The following ASB11 variants were observed in gnomAD, a reference collection of about 807,000 sequenced individuals.
The protein encoded by ASB11 is ankyrin repeat and SOCS box containing 11, also known as ankyrin repeat and SOCS box protein 11.
In ASB11, 17 loss-of-function variants were observed where a neutral mutation model predicts 20.1. That is an observed-to-expected ratio of 0.85 (90% CI 0.58 to 1.27). The LOEUF (loss-of-function observed/expected upper bound fraction) is 1.27, where lower values mean the gene tolerates loss of function less well. Ranked by LOEUF, ASB11 falls within the 50% of genes most tolerant of loss-of-function variation. The probability of loss-of-function intolerance (pLI) is 0.00; values close to 1 mark genes in which losing one functional copy is unlikely to be tolerated. For synonymous variants in ASB11, 107 were observed against 105.6 expected, an observed-to-expected ratio of 1.01 and a Z score of -0.08; for missense variants, 259 against 256.9, an observed-to-expected ratio of 1.01 and a Z score of -0.06.
intron 2 of ASB11, among the ~76,000 whole-genome samples, chrX:15,298,691 G>T (rs1464957100): frequency 8.9e-6 from 1 of 111,788 alleles, no homozygotes; most frequent in Non-Finnish European, 1.9e-5. Flanking sequence ...GCATGGGCCT[G>T]CTGTGGCTGT....
intron 3 of ASB11, among the ~76,000 whole-genome samples, chrX:15,295,281 T>A (rs746330849): frequency 9.0e-6 from 1 of 110,958 alleles, no homozygotes; most frequent in South Asian, 3.8e-4. Context: ...GATCTCATGA[T>A]CTACCTGCCT....
chrX:15,314,068 A>AG (rs1206074915), intron 1 of ASB11, among the ~76,000 whole-genome samples: 1 of 109,189 alleles, frequency 9.2e-6, no homozygotes, highest in Non-Finnish European at 1.9e-5. Context: ...AAAAAAAAAA[A>AG]AAAAAAAAAA....
At position 15,293,268 on chromosome X, in the gene ASB11, C is replaced by A; in HGVS notation, c.422G>T (p.Ser141Ile). 1 of 1,211,714 alleles carries A rather than the reference C, an allele frequency of 8.3e-7. No individual in the cohort carries two copies. ...CACATTGACACATGCAGCACTGCCG[C>A]TGCAGCAAGCATTGAAGAGGGGTGT... ...GATPLFNACC[S>I]GSAACVNVLL... Residue 141 changes from serine to isoleucine, a missense_variant, in exon 4 of 7, where the codon AGC (serine) becomes ATC (isoleucine). Coordinates refer to ENST00000480796, the MANE Select transcript of ASB11 (RefSeq NM_080873.3).
intron 2 of ASB11, among the ~76,000 whole-genome samples, chrX:15,300,965 T>C (rs899812446): frequency 2.7e-5 from 3 of 111,323 alleles, no homozygotes; most frequent in African/African-American, 9.8e-5. Context: ...ATTTTATTTA[T>C]TTATTTATTT....
At chrX:15,307,816 T>C (rs1330161845) in intron 1 of ASB11, among the ~76,000 whole-genome samples, 1 of 112,454 alleles carries the variant, frequency 8.9e-6, no homozygotes, top group African/African-American at 3.2e-5. Flanking sequence ...GTGTTCACTT[T>C]GTGAAAATTC....
intron 3 of ASB11, among the ~76,000 whole-genome samples, chrX:15,294,016 A>C (rs749965793): frequency 7.2e-4 from 80 of 110,933 alleles, no homozygotes; most frequent in Admixed American, 3.3e-3. Context: ...CTAAAACTTA[A>C]AGTATAATAA....
At chrX:15,293,469 A>C in intron 3 of ASB11, 149 bp from the exon 4 acceptor site, 1 of 675,815 alleles carries the variant, frequency 1.5e-6, no homozygotes, top group Non-Finnish European at 2.2e-6. Flanking sequence ...ATGAAACCTC[A>C]TGAAGTTATT....
intron 1 of ASB11, among the ~76,000 whole-genome samples, chrX:15,314,733 G>A (rs1177540263): frequency 1.8e-5 from 2 of 108,904 alleles, no homozygotes; most frequent in East Asian, 5.7e-4. Flanking sequence ...ACAATCCCAG[G>A]AGTGACAGGG....
intron 1 of ASB11, among the ~76,000 whole-genome samples, chrX:15,305,593 A>AACATT (rs1433948397): frequency 1.2e-5 from 1 of 86,651 alleles, no homozygotes; most frequent in Admixed American, 1.3e-4. Flanking sequence ...AAGAAAAAAA[A>AACATT]AGATTAGATA....
At chrX:15,285,730 G>A (rs1438539021) in intron 6 of ASB11, among the ~76,000 whole-genome samples, 5 of 110,639 alleles carry the variant, frequency 4.5e-5, no homozygotes, top group East Asian at 2.9e-4. Context: ...CTGGCCAGGC[G>A]CGGTGGCTCA....
intron 2 of ASB11, among the ~76,000 whole-genome samples, chrX:15,301,403 T>C (rs961756202): frequency 9.8e-5 from 11 of 112,401 alleles, no homozygotes; most frequent in Non-Finnish European, 2.1e-4. Context: ...ATTTGATCAT[T>C]GCTGGCAGTG....
At chrX:15,312,007 C>T (rs1921443379) in intron 1 of ASB11, among the ~76,000 whole-genome samples, 1 of 110,641 alleles carries the variant, frequency 9.0e-6, no homozygotes, top group Non-Finnish European at 1.9e-5. Flanking sequence ...TTATGAATAA[C>T]AGATGATCAA....
chrX:15,315,226 C>T (rs1025282468), intron 1 of ASB11, among the ~76,000 whole-genome samples, 199 bp downstream of exon 1: 2 of 111,885 alleles, frequency 1.8e-5, no homozygotes, highest in Non-Finnish European at 3.8e-5. Flanking sequence ...ACAAGATCTA[C>T]GAACTTGCAA....
At chrX:15,302,615 G>T in intron 2 of ASB11, 113 bp downstream of exon 2, 2 of 724,756 alleles carry the variant, frequency 2.8e-6, no homozygotes, top group Non-Finnish European at 4.2e-6. Flanking sequence ...GCCTCGAATG[G>T]CAATGGTGGG....
At chrX:15,286,110 A>T (rs1263286762) in intron 6 of ASB11, among the ~76,000 whole-genome samples, 1 of 111,410 alleles carries the variant, frequency 9.0e-6, no homozygotes, top group African/African-American at 3.3e-5. Context: ...CCTGCTAGAC[A>T]TGCAGAGTCA....
At chrX:15,283,768 G>A in intron 6 of ASB11, 139 bp from the exon 7 acceptor site, 3 of 676,974 alleles carry the variant, frequency 4.4e-6, no homozygotes, top group Non-Finnish European at 6.5e-6. Context: ...ATAGAATGAG[G>A]TAGCGGACAC....
chrX:15,290,213 G>A (rs1927498123), intron 4 of ASB11, among the ~76,000 whole-genome samples: 1 of 110,318 alleles, frequency 9.1e-6, no homozygotes, highest in Non-Finnish European at 1.9e-5. Context: ...CTGAACTAAG[G>A]GCTCCAAGTA....
At chrX:15,287,470 G>A (rs776741645) in intron 6 of ASB11, among the ~76,000 whole-genome samples, 1 of 112,348 alleles carries the variant, frequency 8.9e-6, no homozygotes, top group South Asian at 3.7e-4. Flanking sequence ...GGAACTACAG[G>A]CGCCAGCCAC....
chrX:15,292,395 A>AC (rs1170183977), intron 4 of ASB11, among the ~76,000 whole-genome samples: 2 of 111,104 alleles, frequency 1.8e-5, no homozygotes, highest in Non-Finnish European at 3.8e-5. Context: ...TAAGAGAACA[A>AC]CTCCCTCACT....
Sources: gnomAD v4.1 joint callset for allele counts (sites outside exome capture counted in the v4.1 genomes callset) on GRCh38, gnomAD v4.1.1 for gene constraint, MANE v1.5 for transcripts, NCBI Gene and HGNC (gene_info 2026-07-23, HGNC 2026-07-21) for gene names.